KCNQ5: variants seen among roughly 807,000 people sequenced by gnomAD.
KCNQ5 encodes the protein potassium voltage-gated channel subfamily Q member 5, also known as potassium voltage-gated channel subfamily KQT member 5.
Under a neutral mutation model 98.2 loss-of-function variants are expected in KCNQ5, and 30 were observed. The ratio of observed to expected loss-of-function variants is 0.31; its 90% CI spans 0.23 to 0.41. The LOEUF is 0.41. KCNQ5 is among the 10% of genes least tolerant of loss of function. The probability of loss-of-function intolerance (pLI) is 1.00; values close to 1 mark genes in which losing one functional copy is unlikely to be tolerated. For missense variants in KCNQ5, 835 were observed against 1,182.5 expected, an observed-to-expected ratio of 0.71 and a Z score of 4.31; for synonymous variants, 458 against 449.4, an observed-to-expected ratio of 1.02 and a Z score of -0.24.
At chr6:73,078,137 T>C (rs1773609341) in intron 5 of KCNQ5, among the ~76,000 whole-genome samples, 1 of 150,884 alleles carries the variant, frequency 6.6e-6, no homozygotes, top group Admixed American at 6.6e-5. Flanking sequence ...ATATATAAAA[T>C]ATATAAATAT....
intron 1 of KCNQ5, among the ~76,000 whole-genome samples, chr6:72,807,387 G>T (rs150445203): frequency 1.3e-5 from 2 of 152,108 alleles, no homozygotes; most frequent in Non-Finnish European, 2.9e-5. Context: ...TTTCAAGAGG[G>T]TTAAATTCTA....
At chr6:73,003,604 T>C (rs2150322784) in intron 1 of KCNQ5, among the ~76,000 whole-genome samples, 1 of 152,168 alleles carries the variant, frequency 6.6e-6, no homozygotes, top group Non-Finnish European at 1.5e-5. Flanking sequence ...GGATCGTTGT[T>C]TGGGAAGGAA....
At chr6:72,851,119 A>C (rs1777235189) in intron 1 of KCNQ5, among the ~76,000 whole-genome samples, 1 of 152,182 alleles carries the variant, frequency 6.6e-6, no homozygotes, top group Non-Finnish European at 1.5e-5. Flanking sequence ...AAAACAATGT[A>C]TTATCAGATT....
chr6:72,852,727 A>C (rs1017448579), intron 1 of KCNQ5, among the ~76,000 whole-genome samples: 2 of 144,892 alleles, frequency 1.4e-5, no homozygotes, highest in African/African-American at 2.6e-5. Flanking sequence ...AAAAAAGATA[A>C]AATAATTTTT....
At chr6:73,072,786 A>C (rs1293706941) in intron 3 of KCNQ5, among the ~76,000 whole-genome samples, 1 of 152,158 alleles carries the variant, frequency 6.6e-6, no homozygotes, top group African/African-American at 2.4e-5. Context: ...CCTATATTTC[A>C]CATTTCTACT....
At chr6:72,942,192 C>G (rs1321704555) in intron 1 of KCNQ5, among the ~76,000 whole-genome samples, 1 of 152,068 alleles carries the variant, frequency 6.6e-6, no homozygotes, top group Non-Finnish European at 1.5e-5. Flanking sequence ...GTTGCTTTGC[C>G]TTATATATAA....
intron 1 of KCNQ5, among the ~76,000 whole-genome samples, chr6:72,721,439 T>A (rs1256300242): frequency 6.6e-6 from 1 of 152,148 alleles, no homozygotes; most frequent in Non-Finnish European, 1.5e-5. Flanking sequence ...CTCATTCCCC[T>A]CATAGACTGG....
At chr6:72,756,875 A>AT (rs1270376618) in intron 1 of KCNQ5, among the ~76,000 whole-genome samples, 24 of 152,152 alleles carry the variant, frequency 1.6e-4, no homozygotes, top group Admixed American at 2.6e-4. Flanking sequence ...AAGTAAATGC[A>AT]TTAAAAACAA....
chr6:73,113,144 C>T (rs1332130962), intron 7 of KCNQ5, among the ~76,000 whole-genome samples: 1 of 152,150 alleles, frequency 6.6e-6, no homozygotes, highest in African/African-American at 2.4e-5. Context: ...AATTCATAGG[C>T]TTTCATCCTT....
At chr6:73,019,486 A>G (rs1024625484) in intron 2 of KCNQ5, among the ~76,000 whole-genome samples, 1 of 152,188 alleles carries the variant, frequency 6.6e-6, no homozygotes, top group African/African-American at 2.4e-5. Flanking sequence ...AGTGAAAGAC[A>G]TCAACAACAC....
chr6:73,174,438 C>T (rs554797088), intron 11 of KCNQ5, among the ~76,000 whole-genome samples: 59 of 152,290 alleles, frequency 3.9e-4, no homozygotes, highest in Middle Eastern at 3.4e-3. Flanking sequence ...TTGCTCTTAC[C>T]GTCTCTTACT....
chr6:72,854,603 T>C lies in KCNQ5; in HGVS notation c.399-149305T>C, dbSNP rs75346108. Among the ~76,000 whole-genome samples, 177 of 151,892 alleles carry C rather than the reference T, an allele frequency of 1.2e-3. 1 individual carries two copies. Among genetic ancestry groups the C allele is most frequent in the African/African-American group, 4.2e-3 (175 of 41,482 alleles). ...GATATGTTAAAGGATTCTTTTATTA[T>C]ACTTCAGTCCTTTGAGGCATTGTGC... On this transcript the variant is annotated intron_variant, in intron 1 of 13. Coordinates refer to ENST00000370398, the MANE Select transcript of KCNQ5 (RefSeq NM_019842.4).
chr6:72,785,060 C>A (rs1198530365), intron 1 of KCNQ5, among the ~76,000 whole-genome samples: 2 of 152,180 alleles, frequency 1.3e-5, no homozygotes, highest in Non-Finnish European at 2.9e-5. Flanking sequence ...TAACACCAAC[C>A]AAAAGCGATT....
chr6:72,870,493 G>A (rs1244483313), intron 1 of KCNQ5, among the ~76,000 whole-genome samples: 3 of 151,830 alleles, frequency 2.0e-5, no homozygotes, highest in Admixed American at 2.0e-4. Context: ...TCAAATGATC[G>A]GCCTGCCTCA....
At chr6:72,812,120 T>C (rs966627276) in intron 1 of KCNQ5, among the ~76,000 whole-genome samples, 2 of 152,220 alleles carry the variant, frequency 1.3e-5, no homozygotes, top group Admixed American at 6.5e-5. Flanking sequence ...GCAGTGAAGA[T>C]GACCAAAGGT....
At chr6:72,904,195 A>C (rs1456532711) in intron 1 of KCNQ5, among the ~76,000 whole-genome samples, 1 of 152,164 alleles carries the variant, frequency 6.6e-6, no homozygotes, top group Non-Finnish European at 1.5e-5. Flanking sequence ...TTTGGTGTCC[A>C]TTTGCATGAA....
At chr6:73,002,587 A>G (rs948811044) in intron 1 of KCNQ5, among the ~76,000 whole-genome samples, 2 of 152,220 alleles carry the variant, frequency 1.3e-5, no homozygotes, top group African/African-American at 4.8e-5. Context: ...ATCAGCATAG[A>G]AAACATGTTG....
chr6:72,749,780 C>G (rs1207664466), intron 1 of KCNQ5, among the ~76,000 whole-genome samples: 30 of 151,950 alleles, frequency 2.0e-4, no homozygotes, highest in Non-Finnish European at 1.5e-5. Context: ...TGTTATTGAC[C>G]TGCCACTGAG....
At chr6:72,658,277 T>C (rs192516172) in intron 1 of KCNQ5, among the ~76,000 whole-genome samples, 85 of 152,126 alleles carry the variant, frequency 5.6e-4, no homozygotes, top group Non-Finnish European at 1.0e-3. Flanking sequence ...TTTAATTTTA[T>C]TTATTTTTTA....
Sources: gnomAD v4.1 joint callset for allele counts (sites outside exome capture counted in the v4.1 genomes callset) on GRCh38, gnomAD v4.1.1 for gene constraint, MANE v1.5 for transcripts, NCBI Gene and HGNC (gene_info 2026-07-23, HGNC 2026-07-21) for gene names.